The following CACNA2D3 variants were observed in gnomAD, a reference collection of about 807,000 sequenced individuals.
CACNA2D3 encodes calcium voltage-gated channel auxiliary subunit alpha2delta 3.
Under a neutral mutation model 160.6 loss-of-function variants are expected in CACNA2D3, and 60 were observed. The observed-to-expected ratio is 0.37, with a 90% CI of 0.30 to 0.46. CACNA2D3 has a LOEUF of 0.46. Ranked by LOEUF, CACNA2D3 falls within the 20% of genes least tolerant of loss-of-function variation. The pLI is 1.00. For synonymous variants in CACNA2D3, 558 were observed against 492.9 expected (o/e 1.13, Z -1.75); for missense variants, 1,205 against 1,365.0 (o/e 0.88, Z 1.85).
rs79497114 is a variant in CACNA2D3, at chr3:54,525,466, A to C, written c.544+21812A>C. ...ATTACCATCTTGGGTTATTTGCTCT[A>C]AGCATGCAGAACTTCTTTTAGCATT... On this transcript the variant is annotated intron_variant, in intron 5 of 37. Transcript: ENST00000474759. 9.7e-3 allele frequency among the ~76,000 whole-genome samples: 1,480 copies of C among 152,258 alleles called. 31 individuals carry two copies. Among genetic ancestry groups the C allele is most frequent in the African/African-American group, 0.034 (1,405 of 41,554 alleles).
chr3:55,010,219 C>T (rs767109050), intron 34 of CACNA2D3, among the ~76,000 whole-genome samples: 33 of 152,116 alleles, frequency 2.2e-4, no homozygotes, highest in South Asian at 1.0e-3. Context: ...GAACAGCAGA[C>T]ACTGGGGCCT....
At chr3:54,200,674 T>G (rs1701161705) in intron 2 of CACNA2D3, among the ~76,000 whole-genome samples, 1 of 152,214 alleles carries the variant, frequency 6.6e-6, no homozygotes, top group Non-Finnish European at 1.5e-5. Context: ...ATTTTCTCAT[T>G]TCAGCATCCA....
chr3:54,619,097 C>T (rs1021120031), intron 9 of CACNA2D3, among the ~76,000 whole-genome samples: 2 of 152,246 alleles, frequency 1.3e-5, no homozygotes, highest in Non-Finnish European at 2.9e-5. Flanking sequence ...TGCAGAAACA[C>T]AACACAGGCG....
In CACNA2D3 at chr3:55,015,674, TA is replaced by T. The variant is rs1575436584; in HGVS notation, c.2876-2527del. Among the ~76,000 whole-genome samples the T allele has an allele frequency of 2.0e-5, 3 of 152,296 alleles. No individual in the cohort carries two copies. In the East Asian group the frequency reaches 5.8e-4, roughly 29 times the overall value. On this transcript the variant is annotated intron_variant, in intron 34 of 37. Coordinates refer to ENST00000474759, the MANE Select transcript of CACNA2D3 (RefSeq NM_018398.3). ...ACTTGCCATACAGAGAAATCTGTTG[TA>T]AAAATCAGAACCATGAAAATAAAAA...
At chr3:54,576,094 G>A (rs1270925321) in intron 8 of CACNA2D3, among the ~76,000 whole-genome samples, 3 of 152,212 alleles carry the variant, frequency 2.0e-5, no homozygotes, top group African/African-American at 7.2e-5. Flanking sequence ...TTCAGGGCAG[G>A]GTGTTGAGAT....
chr3:54,373,364 G>A (rs1698958370), intron 3 of CACNA2D3, among the ~76,000 whole-genome samples: 1 of 152,284 alleles, frequency 6.6e-6, no homozygotes, highest in Non-Finnish European at 1.5e-5. Context: ...TTCAGAAGTC[G>A]AGTGACTCAG....
chr3:54,410,320 C>T (rs1474176480), intron 4 of CACNA2D3, among the ~76,000 whole-genome samples: 1 of 151,776 alleles, frequency 6.6e-6, no homozygotes, highest in African/African-American at 2.4e-5. Context: ...CGCCACTGCT[C>T]TCCAGCCTGG....
At chr3:54,602,029 G>GT (rs1703068700) in intron 9 of CACNA2D3, among the ~76,000 whole-genome samples, 1 of 151,980 alleles carries the variant, frequency 6.6e-6, no homozygotes, top group Non-Finnish European at 1.5e-5. Context: ...AGGCATTTAT[G>GT]TAGAGAAAAA....
In CACNA2D3 at chr3:54,272,172, G is replaced by A. The variant is rs145805648; in HGVS notation, c.205-48270G>A. Among the ~76,000 whole-genome samples, 318 of 152,324 alleles carry A rather than the reference G, an allele frequency of 2.1e-3. 4 individuals carry two copies. The highest frequency in any genetic ancestry group is 7.1e-3 in the African/African-American group (294 of 41,572). On this transcript the variant is annotated intron_variant, in intron 2 of 37. Coordinates refer to ENST00000474759, the MANE Select transcript of CACNA2D3 (RefSeq NM_018398.3). ...CCCCCATCCACAAGGAAGCTGGTGT[G>A]TCGGGAGTGACACGTGTTAGGTGGG...
intron 4 of CACNA2D3, among the ~76,000 whole-genome samples, chr3:54,500,167 A>C (rs920599081): frequency 6.6e-6 from 1 of 152,018 alleles, no homozygotes; most frequent in East Asian, 1.9e-4. Context: ...TTCCTTGATA[A>C]TTTTCCCTGC....
intron 2 of CACNA2D3, among the ~76,000 whole-genome samples, chr3:54,162,825 C>T (rs1490719492): frequency 6.6e-6 from 1 of 152,112 alleles, no homozygotes; most frequent in Non-Finnish European, 1.5e-5. Context: ...CAGATGGAAT[C>T]CCTGCCTGCT....
At chr3:54,188,218 G>A (rs528849487) in intron 2 of CACNA2D3, among the ~76,000 whole-genome samples, 42 of 150,134 alleles carry the variant, frequency 2.8e-4, no homozygotes, top group African/African-American at 8.8e-4. Flanking sequence ...ATTTAGAAAG[G>A]GAGAACTTAA....
At chr3:54,406,949 A>G (rs1699587990) in intron 4 of CACNA2D3, among the ~76,000 whole-genome samples, 1 of 152,134 alleles carries the variant, frequency 6.6e-6, no homozygotes, top group Non-Finnish European at 1.5e-5. Context: ...TTATTTTTTA[A>G]AAAAGGACAG....
At chr3:54,887,850 T>C (rs371549187) in intron 23 of CACNA2D3, 109 bp from the exon 24 acceptor site, 5 of 797,454 alleles carry the variant, frequency 6.3e-6, no homozygotes, top group South Asian at 6.2e-5. Flanking sequence ...TAAAGCAACA[T>C]GCCGCATGAG....
At chr3:54,204,621 C>T (rs140286117) in intron 2 of CACNA2D3, among the ~76,000 whole-genome samples, 2,259 of 151,656 alleles carry the variant, frequency 0.015, 58 homozygotes, top group African/African-American at 0.05. Flanking sequence ...ATGGTGAAAC[C>T]CTGTCTCTAC....
chr3:54,454,203 T>A (rs1047511345), intron 4 of CACNA2D3, among the ~76,000 whole-genome samples: 1 of 152,220 alleles, frequency 6.6e-6, no homozygotes, highest in Non-Finnish European at 1.5e-5. Flanking sequence ...AATTTATTTT[T>A]TGAGGACTCA....
Position 54,663,008 on chromosome 3 carries a change from A to G in CACNA2D3, c.1167+20767A>G, listed in dbSNP as rs768730957. Among the ~76,000 whole-genome samples the G allele has an allele frequency of 6.6e-5, 10 of 152,220 alleles. No individual in the cohort carries two copies. The East Asian group carries it at 1.3e-3, about 21-fold the overall frequency. On this transcript the variant is annotated intron_variant, in intron 11 of 37. Transcript: ENST00000474759. Reference sequence around the variant, plus strand: ...ACCAAATGAGCAATAGCATGTGGCAATATCTTTCGGTCCAGGAACCAATGA... The same window carrying G: ...ACCAAATGAGCAATAGCATGTGGCAGTATCTTTCGGTCCAGGAACCAATGA...
At chr3:54,182,646 T>C (rs981850491) in intron 2 of CACNA2D3, among the ~76,000 whole-genome samples, 4 of 152,232 alleles carry the variant, frequency 2.6e-5, no homozygotes, top group Non-Finnish European at 4.4e-5. Context: ...TAGATAACTC[T>C]ACCAGTTAAT....
chr3:54,958,239 A>G (rs1395956960), intron 27 of CACNA2D3, among the ~76,000 whole-genome samples: 1 of 152,232 alleles, frequency 6.6e-6, no homozygotes, highest in Non-Finnish European at 1.5e-5. Context: ...AGAATATTCC[A>G]TGTATCGGAT....
Sources: gnomAD v4.1 joint callset for allele counts (sites outside exome capture counted in the v4.1 genomes callset) on GRCh38, gnomAD v4.1.1 for gene constraint, MANE v1.5 for transcripts, NCBI Gene and HGNC (gene_info 2026-07-23, HGNC 2026-07-21) for gene names.